PLVAP: variants seen among roughly 807,000 people sequenced by gnomAD.
PLVAP encodes plasmalemma vesicle-associated protein.
Under a neutral mutation model 43.1 loss-of-function variants are expected in PLVAP, and 34 were observed. The ratio of observed to expected loss-of-function variants is 0.79; its 90% CI spans 0.60 to 1.05. The LOEUF (loss-of-function observed/expected upper bound fraction) is 1.05, where lower values mean the gene tolerates loss of function less well. Among genes scored for constraint, PLVAP ranks in the 50% least tolerant of loss-of-function variants. PLVAP has a pLI of 0.00. For missense variants in PLVAP, 574 were observed against 593.4 expected (o/e 0.97, Z 0.34); for synonymous variants, 241 against 237.3 (o/e 1.02, Z -0.14).
intron 1 of PLVAP, among the ~76,000 whole-genome samples, chr19:17,373,091 A>C (rs1292522557): frequency 8.0e-6 from 1 of 125,756 alleles, no homozygotes; most frequent in Non-Finnish European, 1.7e-5. Flanking sequence ...AAAAAAAAAA[A>C]AAGAAAGAAA....
At chr19:17,355,223 CAAAAT>C (rs1178861189) in intron 5 of PLVAP, among the ~76,000 whole-genome samples, 3 of 55,004 alleles carry the variant, frequency 5.5e-5, no homozygotes, top group Admixed American at 1.9e-4. Flanking sequence ...GACTCCATCT[CAAAAT>C]AATAATAATA....
intron 1 of PLVAP, among the ~76,000 whole-genome samples, chr19:17,366,798 A>AT (rs1382493429): frequency 4.6e-5 from 7 of 150,768 alleles, no homozygotes; most frequent in East Asian, 1.9e-4. Flanking sequence ...CGACTGGCTA[A>AT]TTTGTTTTTT....
intron 5 of PLVAP, 35 bp from the exon 6 acceptor site, chr19:17,352,403 G>GT: frequency 6.2e-7 from 1 of 1,610,330 alleles, no homozygotes; most frequent in South Asian, 1.1e-5. Flanking sequence ...ACAACAGAGT[G>GT]TCAGACAGAG....
chr19:17,366,169 G>A lies in PLVAP; in HGVS notation c.396C>T (p.Tyr132=). The A allele has an allele frequency of 6.2e-7, 1 of 1,614,156 alleles. No individual in the cohort carries two copies. The highest frequency in any genetic ancestry group is 8.5e-7 in the Non-Finnish European group (1 of 1,180,020). Residue 132 remains tyrosine, a synonymous_variant, in exon 2 of 6, where the codon TAC becomes TAT. Transcript: ENST00000252590. ...TCTCACTCAAGATGATGGCAGCCAT[G>A]TACCTCTGATTGTTCGTGTAGATGA... The part of the protein sequence containing the change: ...DRVIYTNNQR[Y]MAAIILSEKQ...
chr19:17,354,389 G>A (rs557540826), intron 5 of PLVAP, among the ~76,000 whole-genome samples: 1 of 152,164 alleles, frequency 6.6e-6, no homozygotes, highest in African/African-American at 2.4e-5. Flanking sequence ...CTGAGGTCAG[G>A]AGTTTAAGAC....
At chr19:17,355,261 T>TAATAATAATAAA (rs1397143366) in intron 5 of PLVAP, among the ~76,000 whole-genome samples, 209 of 145,876 alleles carry the variant, frequency 1.4e-3, no homozygotes, top group African/African-American at 5.1e-3. Context: ...ATAATAATAA[T>TAATAATAATAAA]AAAATAAATA....
At chr19:17,371,775 G>A (rs934127320) in intron 1 of PLVAP, among the ~76,000 whole-genome samples, 5 of 152,172 alleles carry the variant, frequency 3.3e-5, no homozygotes, top group Non-Finnish European at 1.5e-5. Context: ...GAACCACCAC[G>A]CCTGGCCAGC....
rs73016435 is a variant in PLVAP, at chr19:17,365,336, T to A, written c.1129A>T (p.Met377Leu). ...EKKREAEQLRMELAIRNSALD... is the reference protein window; with the variant it reads ...EKKREAEQLRLELAIRNSALD... Reference sequence around the variant, plus strand: ...GCTGAGTTTCTGATGGCCAGCTCCATCCTGAGCTGCTCCGCCTCCCTCTTC... The same window carrying A: ...GCTGAGTTTCTGATGGCCAGCTCCAACCTGAGCTGCTCCGCCTCCCTCTTC... The change falls in exon 3 of 6, where the codon ATG (methionine) becomes TTG (leucine). Residue 377 changes from methionine to leucine, a missense_variant. By Grantham distance (15) the Met-to-Leu change is conservative (BLOSUM62 2). Transcript: ENST00000252590. 6.2e-7 allele frequency: 1 copy of A among 1,613,352 alleles called. No homozygotes were observed. The highest frequency in any genetic ancestry group is 8.5e-7 in the Non-Finnish European group (1 of 1,180,014).
chr19:17,373,963 A>T (rs1239048238), intron 1 of PLVAP, among the ~76,000 whole-genome samples: 1 of 151,896 alleles, frequency 6.6e-6, no homozygotes, highest in Non-Finnish European at 1.5e-5. Flanking sequence ...GGAGTTTGAG[A>T]CCAGCCTGGC....
chr19:17,356,872 T>C (rs916722018), intron 5 of PLVAP, among the ~76,000 whole-genome samples: 6 of 151,854 alleles, frequency 4.0e-5, no homozygotes, highest in African/African-American at 1.4e-4. Flanking sequence ...GGCAGGAGAA[T>C]CACTTGAACC....
At chr19:17,375,900 G>T (rs1452155724) in intron 1 of PLVAP, among the ~76,000 whole-genome samples, 2 of 135,098 alleles carry the variant, frequency 1.5e-5, no homozygotes, top group Non-Finnish European at 1.6e-5. Flanking sequence ...AAAAAAAATT[G>T]CCAGGTGTGG....
intron 1 of PLVAP, among the ~76,000 whole-genome samples, chr19:17,375,997 A>G (rs1392464461): frequency 1.3e-5 from 2 of 151,928 alleles, no homozygotes; most frequent in Non-Finnish European, 2.9e-5. Flanking sequence ...CCTGATCAAC[A>G]TAGCGAGACC....
At position 17,352,295 on chromosome 19, in the gene PLVAP, CAT is replaced by C; in HGVS notation, c.*65_*66del. 6.3e-7 allele frequency: 1 copy of C among 1,599,400 alleles called. No individual in the cohort carries two copies. Among genetic ancestry groups the C allele is most frequent in the Non-Finnish European group, 8.6e-7 (1 of 1,168,118 alleles). ...AGGGGGTTGTGTCGGGCGCTGTGAG[CAT>C]ATCCCTGCATCCTCCGCAAACCGCC... On this transcript the variant is annotated 3_prime_UTR_variant, in exon 6 of 6. Coordinates refer to ENST00000252590, the MANE Select transcript of PLVAP (RefSeq NM_031310.3).
rs772390456 is a variant in PLVAP, at chr19:17,377,247, C to G, written c.42G>C (p.Ala14=). The stretch of plus-strand genomic sequence containing the variant: ...ACCAGCAGCCCCGAGAGCTGCCCCC[C>G]GCCCGAGCGTAGGACCCTCCGTGCT... The part of the protein sequence containing the change: ...AMEHGGSYAR[A]GGSSRGCWYY... The change falls in exon 1 of 6, where the codon GCG becomes GCC. Residue 14 remains alanine (A), a synonymous_variant. Coordinates refer to ENST00000252590, the MANE Select transcript of PLVAP (RefSeq NM_031310.3). 5 of 1,613,846 alleles carry G rather than the reference C, an allele frequency of 3.1e-6. No individual in the cohort carries two copies. The highest frequency in any genetic ancestry group is 2.7e-5 in the African/African-American group (2 of 74,940).
At chr19:17,372,990 C>A (rs909237919) in intron 1 of PLVAP, among the ~76,000 whole-genome samples, 2 of 139,268 alleles carry the variant, frequency 1.4e-5, no homozygotes, top group Non-Finnish European at 1.5e-5. Context: ...TGCTTGAACC[C>A]AGGAGGCAGA....
chr19:17,371,574 C>T (rs1365352358), intron 1 of PLVAP, among the ~76,000 whole-genome samples: 2 of 152,150 alleles, frequency 1.3e-5, no homozygotes, highest in South Asian at 2.1e-4. Flanking sequence ...ACTGCAGCCT[C>T]AGCCTCCCCA....
intron 5 of PLVAP, among the ~76,000 whole-genome samples, chr19:17,353,687 G>T (rs1387390188): frequency 6.6e-6 from 1 of 152,146 alleles, no homozygotes; most frequent in African/African-American, 2.4e-5. Flanking sequence ...GGTGTAGCCT[G>T]CCCTGTCTCT....
intron 1 of PLVAP, among the ~76,000 whole-genome samples, chr19:17,371,115 A>G (rs2074570468): frequency 6.6e-6 from 1 of 151,974 alleles, no homozygotes; most frequent in South Asian, 2.1e-4. Flanking sequence ...GGTGGATTGT[A>G]AAATACATGA....
chr19:17,368,253 G>C (rs1460848721), intron 1 of PLVAP, among the ~76,000 whole-genome samples: 1 of 151,812 alleles, frequency 6.6e-6, no homozygotes, highest in Non-Finnish European at 1.5e-5. Context: ...GTATTTTTTA[G>C]TAGAGACAGG....
Sources: gnomAD v4.1 joint callset for allele counts (sites outside exome capture counted in the v4.1 genomes callset) on GRCh38, gnomAD v4.1.1 for gene constraint, MANE v1.5 for transcripts, NCBI Gene and HGNC (gene_info 2026-07-23, HGNC 2026-07-21) for gene names.